FGF1: variants seen among roughly 807,000 people sequenced by gnomAD.
FGF1 encodes the protein beta-endothelial cell growth factor.
A neutral mutation model predicts 13.4 loss-of-function variants in FGF1; 9 were observed. The ratio of observed to expected loss-of-function variants is 0.67; its 90% CI spans 0.40 to 1.17. FGF1 has a LOEUF of 1.17. Ranked by LOEUF, FGF1 falls within the 50% of genes most tolerant of loss-of-function variation. The pLI, the probability that FGF1 is intolerant of heterozygous loss-of-function variation, is 0.01. For missense variants in FGF1, 156 were observed against 192.7 expected (o/e 0.81, Z 1.13); for synonymous variants, 93 against 79.0 (o/e 1.18, Z -0.94).
chr5:142,677,536 C>G (rs1371514624), intron 1 of FGF1, among the ~76,000 whole-genome samples: 1 of 152,202 alleles, frequency 6.6e-6, no homozygotes, highest in Admixed American at 6.5e-5. Flanking sequence ...AGCATAGGGT[C>G]CTGGGAACTG....
At chr5:142,686,172 C>G (rs923155154), upstream of FGF1, 1 of 151,772 alleles carries the variant, frequency 6.6e-6, no homozygotes, top group Non-Finnish European at 1.5e-5. Context: ...GCTGGCTACC[C>G]GTCCCTAGGG....
At chr5:142,688,551 G>A (rs141052331), upstream of FGF1, among the ~76,000 whole-genome samples, 38 of 152,324 alleles carry the variant, frequency 2.5e-4, 1 homozygote, top group East Asian at 6.6e-3. Context: ...ATGCTAGATC[G>A]TATGCAGAAC....
At chr5:142,632,186 C>T (rs1763484149) in intron 1 of FGF1, among the ~76,000 whole-genome samples, 1 of 152,196 alleles carries the variant, frequency 6.6e-6, no homozygotes, top group Non-Finnish European at 1.5e-5. Context: ...ACAGCAATGG[C>T]ATTGACTTCT....
chr5:142,625,973 A>G (rs771529850), intron 1 of FGF1, among the ~76,000 whole-genome samples: 1 of 152,160 alleles, frequency 6.6e-6, no homozygotes, highest in African/African-American at 2.4e-5. Context: ...TTATCTCTTT[A>G]GAAATGCTGA....
intron 1 of FGF1, among the ~76,000 whole-genome samples, chr5:142,633,348 G>T (rs144811577): frequency 1.2e-4 from 19 of 152,346 alleles, no homozygotes; most frequent in African/African-American, 4.6e-4. Flanking sequence ...TTCCGAATGT[G>T]TGTACCTTTT....
intron 1 of FGF1, chr5:142,679,843 G>C (rs535454913): frequency 6.6e-6 from 1 of 152,322 alleles, no homozygotes; most frequent in Non-Finnish European, 1.5e-5. Flanking sequence ...CTTTCTACGG[G>C]GTTAGTCTGT....
chr5:142,650,199 G>A (rs1766975629), intron 1 of FGF1, among the ~76,000 whole-genome samples: 1 of 152,190 alleles, frequency 6.6e-6, no homozygotes. Flanking sequence ...GGGGAGGGAT[G>A]GAGATGACAT....
In FGF1 at chr5:142,696,619, G is replaced by A. The variant is rs115328811; in HGVS notation, c.-35+1003C>T. Among the ~76,000 whole-genome samples, 1,515 of 152,304 alleles carry A rather than the reference G, an allele frequency of 9.9e-3. 20 individuals carry two copies. Among genetic ancestry groups the A allele is most frequent in the African/African-American group, 0.031 (1,306 of 41,550 alleles). ...CAGGTCTTCCTGGAAACAGAAGGAC[G>A]CAGGGGAGGCAAAGCCAAGATATGG... On this transcript the variant is annotated intron_variant, in intron 2 of 4. Transcript: ENST00000407758.
chr5:142,660,893 C>G (rs1328278393), intron 1 of FGF1, among the ~76,000 whole-genome samples: 2 of 152,184 alleles, frequency 1.3e-5, no homozygotes, highest in African/African-American at 2.4e-5. Context: ...CAGCTGTCTT[C>G]TTTATTCTGT....
At chr5:142,638,023 A>G (rs1452700007) in intron 1 of FGF1, among the ~76,000 whole-genome samples, 2 of 151,938 alleles carry the variant, frequency 1.3e-5, no homozygotes, top group African/African-American at 4.9e-5. Flanking sequence ...AGAATCTACT[A>G]TGTTCTGGCT....
chr5:142,663,463 C>T (rs1313344733), intron 1 of FGF1, among the ~76,000 whole-genome samples: 2 of 152,076 alleles, frequency 1.3e-5, no homozygotes, highest in Non-Finnish European at 2.9e-5. Flanking sequence ...GGAGAGAGAA[C>T]AAGGGTGTTT....
At position 142,671,091 on chromosome 5, in the gene FGF1, A is replaced by G. The variant is rs17216853; in HGVS notation, c.-35+14866T>C. Among the ~76,000 whole-genome samples the G allele has an allele frequency of 3.8e-3, 580 of 152,338 alleles. 6 individuals are homozygous for G. The highest frequency in any genetic ancestry group is 0.012 in the African/African-American group (514 of 41,570). On this transcript the variant is annotated intron_variant, in intron 1 of 3. Transcript: ENST00000337706. ...AACTCAAAAAGCAGCTGTTCATTTA[A>G]CCATCTATCATCTTCTTTTGACCCT... is the stretch of plus-strand genomic sequence containing the variant.
chr5:142,649,509 C>G (rs981699239), intron 1 of FGF1, among the ~76,000 whole-genome samples: 4 of 152,034 alleles, frequency 2.6e-5, no homozygotes, highest in Non-Finnish European at 4.4e-5. Flanking sequence ...CGGGTTCACG[C>G]CATTCTCCTG....
chr5:142,639,088 A>G lies in FGF1; in HGVS notation c.-34-24927T>C, dbSNP rs529520576. On this transcript the variant is annotated intron_variant, in intron 1 of 3. Transcript: ENST00000337706. ...CTATTGTGGAAATAAAAATTGGTAC[A>G]GCCATTATGGAAAACAGTATAGAGG... Among the ~76,000 whole-genome samples, 12 of 152,174 alleles carry G rather than the reference A, an allele frequency of 7.9e-5. No individual in the cohort carries two copies. In the South Asian group the frequency reaches 2.3e-3, roughly 29 times the overall value.
chr5:142,670,387 C>CTCCTCA (rs924341186), intron 1 of FGF1, among the ~76,000 whole-genome samples: 1 of 151,964 alleles, frequency 6.6e-6, no homozygotes, highest in East Asian at 1.9e-4. Flanking sequence ...AATTAAAACT[C>CTCCTCA]TCCTCATCCT....
chr5:142,635,944 C>G (rs898841950), intron 1 of FGF1, among the ~76,000 whole-genome samples: 4 of 152,220 alleles, frequency 2.6e-5, no homozygotes, highest in Non-Finnish European at 5.9e-5. Context: ...AGCGGTGGCC[C>G]TGGGGACACT....
chr5:142,595,672 C>CGG (rs1755105225), intron 3 of FGF1, among the ~76,000 whole-genome samples, 188 bp from the exon 4 acceptor site: 1 of 152,224 alleles, frequency 6.6e-6, no homozygotes, highest in East Asian at 1.9e-4. Flanking sequence ...AGAACAGCAC[C>CGG]GGGCACTAAA....
At chr5:142,688,515 G>A (rs1224721976), upstream of FGF1, among the ~76,000 whole-genome samples, 2 of 152,150 alleles carry the variant, frequency 1.3e-5, no homozygotes, top group Non-Finnish European at 2.9e-5. Flanking sequence ...AATAGCCGTC[G>A]AAGCTGCTTA....
chr5:142,601,128 A>G (rs1756465809), intron 2 of FGF1: 1 of 529,538 alleles, frequency 1.9e-6, no homozygotes, highest in Non-Finnish European at 3.7e-6. Context: ...CACTTGTAGG[A>G]AAATAATCAC....
Sources: allele counts gnomAD v4.1 joint callset (sites outside exome capture counted in the v4.1 genomes callset), GRCh38; gene constraint gnomAD v4.1.1; transcripts MANE v1.5; gene names NCBI Gene and HGNC (gene_info 2026-07-23, HGNC 2026-07-21).